Variants in PDE5A observed in about 807,000 individuals in gnomAD.
PDE5A encodes the protein phosphodiesterase 5A.
A neutral mutation model predicts 110.2 loss-of-function variants in PDE5A; 67 were observed. That is an observed-to-expected ratio of 0.61 (90% CI 0.50 to 0.75). The LOEUF is 0.75. PDE5A is among the 30% of genes least tolerant of loss of function. The pLI is 0.00. For synonymous variants in PDE5A, 328 were observed against 351.2 expected (o/e 0.93, Z 0.74); for missense variants, 862 against 1,045.1 (o/e 0.82, Z 2.42).
intron 9 of PDE5A, among the ~76,000 whole-genome samples, chr4:119,546,283 T>G (rs1462001976): frequency 6.6e-6 from 1 of 152,172 alleles, no homozygotes; most frequent in African/African-American, 2.4e-5. Flanking sequence ...ATCAATAGCT[T>G]GACATAGTAA....
At chr4:119,595,174 G>A (rs867076048) in intron 3 of PDE5A, among the ~76,000 whole-genome samples, 3 of 151,970 alleles carry the variant, frequency 2.0e-5, no homozygotes, top group African/African-American at 7.3e-5. Context: ...AAAAATCAAT[G>A]GGGTTTGGTA....
chr4:119,544,915 G>A (rs10029882), intron 9 of PDE5A, among the ~76,000 whole-genome samples: 2,285 of 152,222 alleles, frequency 0.015, 59 homozygotes, highest in African/African-American at 0.052. Flanking sequence ...TCAAGGTTCT[G>A]CTATAACAAA....
chr4:119,578,916 A>G (rs1415664485), intron 3 of PDE5A, among the ~76,000 whole-genome samples: 2 of 152,232 alleles, frequency 1.3e-5, no homozygotes, highest in African/African-American at 2.4e-5. Flanking sequence ...ACAAAATGGG[A>G]GACAATTTTT....
chr4:119,544,421 T>C (rs1247465303), intron 9 of PDE5A, among the ~76,000 whole-genome samples: 1 of 152,192 alleles, frequency 6.6e-6, no homozygotes, highest in African/African-American at 2.4e-5. Flanking sequence ...TTATCTTAAA[T>C]GTATATATCC....
At position 119,521,071 on chromosome 4, in the gene PDE5A, T is replaced by C. The variant is rs773618231; in HGVS notation, c.1780-11A>G. 2.5e-6 allele frequency: 4 copies of C among 1,609,434 alleles called. No individual in the cohort carries two copies. In the Admixed American group the frequency reaches 6.7e-5, roughly 27 times the overall value. On this transcript the variant is annotated splice_polypyrimidine_tract_variant and intron_variant, in intron 12 of 20. Coordinates refer to ENST00000354960, the MANE Select transcript of PDE5A (RefSeq NM_001083.4). ...CCATCTGCAAAGAACCTTTAGGGAA[T>C]AAAACATAAGTAGTAACAATAATTG...
At chr4:119,599,712 T>TACACACACACACACAC (rs3056797) in intron 2 of PDE5A, among the ~76,000 whole-genome samples, 3 of 147,240 alleles carry the variant, frequency 2.0e-5, no homozygotes, top group Non-Finnish European at 4.5e-5. Context: ...CAAGTGTGTA[T>TACACACACACACACAC]ACACACACAC....
chr4:119,619,727 A>G (rs756654672), intron 1 of PDE5A, among the ~76,000 whole-genome samples: 4 of 152,224 alleles, frequency 2.6e-5, no homozygotes, highest in Non-Finnish European at 5.9e-5. Context: ...ACTACTGAAA[A>G]TTACCACTAA....
chr4:119,502,130 T>G (rs1725367542), intron 19 of PDE5A, among the ~76,000 whole-genome samples: 3 of 152,070 alleles, frequency 2.0e-5, no homozygotes. Flanking sequence ...AGCCACAGCT[T>G]CTCTATTAAA....
At chr4:119,603,719 A>T (rs1245588624) in intron 2 of PDE5A, among the ~76,000 whole-genome samples, 1 of 152,096 alleles carries the variant, frequency 6.6e-6, no homozygotes, top group East Asian at 1.9e-4. Flanking sequence ...ATGAGACTTT[A>T]AAAAAAATTC....
chr4:119,625,321 C>T (rs367910096), intron 1 of PDE5A, among the ~76,000 whole-genome samples: 2 of 152,042 alleles, frequency 1.3e-5, no homozygotes, highest in African/African-American at 4.8e-5. Flanking sequence ...TAATAAGATG[C>T]GTAGCTCTCT....
intron 1 of PDE5A, among the ~76,000 whole-genome samples, chr4:119,609,969 T>A (rs1390466031): frequency 1.3e-5 from 2 of 152,206 alleles, no homozygotes; most frequent in African/African-American, 4.8e-5. Flanking sequence ...ACTGGCCTTA[T>A]GAATTGACTG....
intron 11 of PDE5A, among the ~76,000 whole-genome samples, chr4:119,530,297 A>G (rs1297924467): frequency 6.6e-6 from 1 of 152,120 alleles, no homozygotes; most frequent in Non-Finnish European, 1.5e-5. Flanking sequence ...TGAAAACTAG[A>G]GAAGTTTTAT....
At chr4:119,499,972 G>GTGTA (rs1553922941) in intron 20 of PDE5A, 6 of 149,904 alleles carry the variant, frequency 4.0e-5, no homozygotes, top group East Asian at 3.9e-4. Context: ...TTGTGTGTGT[G>GTGTA]TATATATATA....
At chr4:119,570,588 C>A (rs1316825763) in intron 3 of PDE5A, among the ~76,000 whole-genome samples, 1 of 152,186 alleles carries the variant, frequency 6.6e-6, no homozygotes, top group African/African-American at 2.4e-5. Context: ...ACTGGGCGAG[C>A]AGTATGGAAT....
intron 15 of PDE5A, among the ~76,000 whole-genome samples, chr4:119,508,838 T>C (rs1190528912): frequency 6.6e-6 from 1 of 152,042 alleles, no homozygotes; most frequent in Non-Finnish European, 1.5e-5. Context: ...GTAATTATGC[T>C]TACAAAGATA....
chr4:119,589,376 G>A (rs1578804607), intron 3 of PDE5A, among the ~76,000 whole-genome samples: 1 of 152,042 alleles, frequency 6.6e-6, no homozygotes, highest in African/African-American at 2.4e-5. Flanking sequence ...TCTTCACTAT[G>A]TCAGAACAAG....
intron 3 of PDE5A, among the ~76,000 whole-genome samples, chr4:119,578,937 T>C (rs1344421593): frequency 2.0e-5 from 3 of 151,994 alleles, no homozygotes; most frequent in Non-Finnish European, 4.4e-5. Flanking sequence ...GCAATCTACT[T>C]ATCTGACAAA....
intron 10 of PDE5A, among the ~76,000 whole-genome samples, chr4:119,541,523 T>G (rs1410128762): frequency 6.6e-6 from 1 of 152,082 alleles, no homozygotes; most frequent in South Asian, 2.1e-4. Flanking sequence ...AGCAAACCTA[T>G]TAGTATAATA....
chr4:119,496,998 T>G lies in PDE5A; in HGVS notation c.*1603A>C, dbSNP rs1486857610. On this transcript the variant is annotated 3_prime_UTR_variant, in exon 21 of 21. Transcript: ENST00000354960. The stretch of plus-strand genomic sequence containing the variant: ...ATAAAACTGCATTATGTCAAGATAT[T>G]TGTACACACTCAGAATTTTAAAAAC... 6.6e-6 allele frequency: 1 copy of G among 152,138 alleles called. No individual in the cohort carries two copies. The highest frequency in any genetic ancestry group is 1.5e-5 in the Non-Finnish European group (1 of 67,994). 9.4% of individuals were successfully genotyped at this position (152,138 alleles called of 1,614,324 possible).
Sources: allele counts gnomAD v4.1 joint callset (sites outside exome capture counted in the v4.1 genomes callset), GRCh38; gene constraint gnomAD v4.1.1; transcripts MANE v1.5; gene names NCBI Gene and HGNC (gene_info 2026-07-23, HGNC 2026-07-21).